FAM114A1: variants seen among roughly 807,000 people sequenced by gnomAD.
The protein encoded by FAM114A1 is protein NOXP20.
FAM114A1 carries 62 observed loss-of-function variants against 64.3 expected under a neutral mutation model. The observed-to-expected ratio is 0.96, with a 90% CI of 0.79 to 1.19. FAM114A1 has a LOEUF of 1.19. FAM114A1 is among the 50% of genes most tolerant of loss of function. The probability of loss-of-function intolerance (pLI) is 0.00; values close to 1 mark genes in which losing one functional copy is unlikely to be tolerated. For synonymous variants in FAM114A1, 254 were observed against 251.1 expected, an observed-to-expected ratio of 1.01 and a Z score of -0.11; for missense variants, 645 against 676.3, an observed-to-expected ratio of 0.95 and a Z score of 0.51.
At chr4:38,881,553 G>A (rs1478667053) in intron 3 of FAM114A1, among the ~76,000 whole-genome samples, 1 of 152,124 alleles carries the variant, frequency 6.6e-6, no homozygotes, top group African/African-American at 2.4e-5. Flanking sequence ...AAGAAGGGCA[G>A]GAAAGCCGAT....
intron 3 of FAM114A1, among the ~76,000 whole-genome samples, chr4:38,885,163 C>T (rs1209784263): frequency 2.6e-5 from 4 of 152,014 alleles, no homozygotes. Context: ...TAAGTAGAGA[C>T]CAGGTTTCAC....
chr4:38,928,482 G>A (rs184831641), intron 9 of FAM114A1, among the ~76,000 whole-genome samples: 7 of 151,908 alleles, frequency 4.6e-5, no homozygotes, highest in East Asian at 3.9e-4. Context: ...ATTTTAATAC[G>A]TATACTGTCT....
intron 6 of FAM114A1, among the ~76,000 whole-genome samples, chr4:38,907,969 T>C (rs970953328): frequency 1.3e-5 from 2 of 152,174 alleles, no homozygotes; most frequent in Non-Finnish European, 2.9e-5. Context: ...GATAGCTATA[T>C]AATACACCAG....
chr4:38,928,083 C>T (rs1418196868), intron 9 of FAM114A1, among the ~76,000 whole-genome samples: 1 of 152,224 alleles, frequency 6.6e-6, no homozygotes, highest in African/African-American at 2.4e-5. Context: ...TAAATACCTA[C>T]AAGCTATGCC....
At chr4:38,890,837 A>T (rs934543130) in intron 3 of FAM114A1, among the ~76,000 whole-genome samples, 13 of 152,336 alleles carry the variant, frequency 8.5e-5, no homozygotes, top group Middle Eastern at 3.4e-3. Flanking sequence ...TAAAACATTT[A>T]AAAAAATGAA....
In FAM114A1 at chr4:38,918,460, C is replaced by T. The variant is rs1249221444; in HGVS notation, c.945+3387C>T. Among the ~76,000 whole-genome samples, 5 of 152,176 alleles carry T rather than the reference C, an allele frequency of 3.3e-5. No individual in the cohort carries two copies. In the East Asian group the frequency reaches 5.8e-4, roughly 18 times the overall value. On this transcript the variant is annotated intron_variant, in intron 8 of 14. Coordinates refer to ENST00000358869, the MANE Select transcript of FAM114A1 (RefSeq NM_138389.4). ...GGAGGCTTAGACTGAGGTTGACACA[C>T]GTAGCGAATAAAAATACGGGATGAC...
chr4:38,938,157 A>T (rs571446535), intron 13 of FAM114A1, among the ~76,000 whole-genome samples: 2 of 152,218 alleles, frequency 1.3e-5, no homozygotes, highest in African/African-American at 4.8e-5. Context: ...GCTCATCAGC[A>T]TGGGTCACAT....
intron 3 of FAM114A1, among the ~76,000 whole-genome samples, chr4:38,886,971 G>C (rs1715878884): frequency 6.6e-6 from 1 of 151,250 alleles, no homozygotes; most frequent in Non-Finnish European, 1.5e-5. Flanking sequence ...CAGGGAAGCA[G>C]CTTGCATAGA....
intron 10 of FAM114A1, among the ~76,000 whole-genome samples, chr4:38,929,778 A>C (rs1326261779): frequency 6.6e-6 from 1 of 152,228 alleles, no homozygotes; most frequent in Non-Finnish European, 1.5e-5. Flanking sequence ...CTCTCTCTCA[A>C]ATTTTAAAAA....
intron 7 of FAM114A1, among the ~76,000 whole-genome samples, chr4:38,910,101 T>G (rs1718396078): frequency 1.3e-5 from 2 of 152,034 alleles, no homozygotes; most frequent in African/African-American, 4.8e-5. Flanking sequence ...TAGCCGGATG[T>G]GGTGGCGAGC....
intron 12 of FAM114A1, among the ~76,000 whole-genome samples, chr4:38,934,396 T>C (rs1720907797): frequency 6.6e-6 from 1 of 151,038 alleles, no homozygotes; most frequent in African/African-American, 2.4e-5. Context: ...AGACAATTTT[T>C]GGATGGATGG....
At position 38,897,682 on chromosome 4, in the gene FAM114A1, A is replaced by G. The variant is rs78773524; in HGVS notation, c.436+5852A>G. On this transcript the variant is annotated intron_variant, in intron 4 of 14. Transcript: ENST00000358869. ...GACACAAGAATAGAAAACATTTTAG[A>G]AAAGAGGGTTTTTGGGGAGGCTGAG... is the stretch of plus-strand genomic sequence containing the variant. Among the ~76,000 whole-genome samples the G allele has an allele frequency of 3.0e-4, 46 of 152,178 alleles. No individual in the cohort carries two copies. The East Asian group carries it at 8.7e-3, about 29-fold the overall frequency.
intron 6 of FAM114A1, 84 bp from the exon 7 acceptor site, chr4:38,908,508 T>A (rs549529354): frequency 7.6e-7 from 1 of 1,314,680 alleles, no homozygotes; most frequent in East Asian, 2.4e-5. Flanking sequence ...TATTTGAAGA[T>A]AGTGCCAGTT....
intron 12 of FAM114A1, among the ~76,000 whole-genome samples, chr4:38,933,131 C>T (rs567469464): frequency 6.6e-6 from 1 of 152,194 alleles, no homozygotes; most frequent in African/African-American, 2.4e-5. Flanking sequence ...GGATTACAGT[C>T]GTGAGCCACC....
At chr4:38,909,415 A>G (rs1718324056) in intron 7 of FAM114A1, among the ~76,000 whole-genome samples, 1 of 152,192 alleles carries the variant, frequency 6.6e-6, no homozygotes, top group Non-Finnish European at 1.5e-5. Context: ...TTCTCTTGAT[A>G]TGTGCAAGGA....
At chr4:38,884,231 C>G (rs903022023) in intron 3 of FAM114A1, among the ~76,000 whole-genome samples, 4 of 152,230 alleles carry the variant, frequency 2.6e-5, no homozygotes, top group African/African-American at 4.8e-5. Flanking sequence ...TCAAGCTCTT[C>G]TCTCACCTCA....
intron 8 of FAM114A1, 113 bp downstream of exon 8, chr4:38,915,186 T>A (rs747736764): frequency 1.5e-6 from 2 of 1,341,306 alleles, no homozygotes; most frequent in Non-Finnish European, 2.1e-6. Flanking sequence ...CTCATTATTA[T>A]TGTGCTGAGG....
chr4:38,889,422 A>G (rs1231802625), intron 3 of FAM114A1, among the ~76,000 whole-genome samples: 1 of 152,236 alleles, frequency 6.6e-6, no homozygotes, highest in Admixed American at 6.5e-5. Context: ...GCTAACTTTC[A>G]AAGCTTTTTG....
intron 13 of FAM114A1, 71 bp from the exon 14 acceptor site, chr4:38,940,897 A>G: frequency 6.7e-7 from 1 of 1,484,688 alleles, no homozygotes; most frequent in Non-Finnish European, 9.4e-7. Flanking sequence ...AAGCTAGTGT[A>G]TTACATTTTA....
Sources: gnomAD v4.1 joint callset for allele counts (sites outside exome capture counted in the v4.1 genomes callset) on GRCh38, gnomAD v4.1.1 for gene constraint, MANE v1.5 for transcripts, NCBI Gene and HGNC (gene_info 2026-07-23, HGNC 2026-07-21) for gene names.